PDZD2: variants seen among roughly 807,000 people sequenced by gnomAD.
PDZD2 encodes PDZ domain containing 2.
A neutral mutation model predicts 220.7 loss-of-function variants in PDZD2; 90 were observed. That is an observed-to-expected ratio of 0.41 (90% confidence interval 0.34 to 0.49). The LOEUF (loss-of-function observed/expected upper bound fraction) is 0.49, where lower values mean the gene tolerates loss of function less well. Among genes scored for constraint, PDZD2 ranks in the 20% least tolerant of loss-of-function variants. The pLI is 0.28. For missense variants in PDZD2, 3,174 were observed against 3,608.5 expected, an observed-to-expected ratio of 0.88 and a Z score of 3.08; for synonymous variants, 1,375 against 1,450.5, an observed-to-expected ratio of 0.95 and a Z score of 1.18.
intron 1 of PDZD2, among the ~76,000 whole-genome samples, chr5:31,765,113 A>C (rs1398149884): frequency 6.6e-6 from 1 of 151,886 alleles, no homozygotes; most frequent in East Asian, 1.9e-4. Flanking sequence ...AAGGAAGAGG[A>C]CAGAGACTAA....
intron 2 of PDZD2, among the ~76,000 whole-genome samples, chr5:31,909,631 C>G (rs1174986016): frequency 6.6e-6 from 1 of 152,026 alleles, no homozygotes; most frequent in East Asian, 1.9e-4. Context: ...AAAAGGATAA[C>G]AATTCAGTTT....
rs1023875055 is a variant in PDZD2 at position 32,000,667 on chromosome 5, C to T, written c.1254+396C>T. Among the ~76,000 whole-genome samples the T allele has an allele frequency of 6.6e-6, 1 of 152,168 alleles. No homozygotes were observed. The highest frequency in any genetic ancestry group is 1.5e-5 in the Non-Finnish European group (1 of 68,036). ...CTAGGATTACAGCCACATGCCATCA[C>T]ACCCGGCTAATTTTGTATTTTTTAT... On this transcript the variant is annotated intron_variant, in intron 5 of 24. Coordinates refer to ENST00000438447, the MANE Select transcript of PDZD2 (RefSeq NM_178140.4). The surrounding 1 kb of genome is among the most constrained non-coding windows in gnomAD (Gnocchi z 4.5).
intron 6 of PDZD2, among the ~76,000 whole-genome samples, chr5:32,035,387 A>G (rs931083017): frequency 1.3e-5 from 2 of 152,034 alleles, no homozygotes; most frequent in African/African-American, 4.8e-5. Flanking sequence ...TAGCCTCCCA[A>G]GTAGCTGGGA....
chr5:31,670,086 G>A (rs1253577822), intron 1 of PDZD2, among the ~76,000 whole-genome samples: 12 of 152,126 alleles, frequency 7.9e-5, no homozygotes, highest in African/African-American at 1.7e-4. Flanking sequence ...TTGCAGAGCG[G>A]GCACTCCTAA....
Position 32,010,318 on chromosome 5 carries a change from G to T in PDZD2, c.1255-12G>T, listed in dbSNP as rs370953248. On this transcript the variant is annotated splice_polypyrimidine_tract_variant and intron_variant, in intron 5 of 24. Transcript: ENST00000438447. ...GTAATTCATGGATGGGCCTTTAATTGTGTCCCCATAGGAAAACTCCGCAGA... is the reference window on the plus strand; with the variant it reads ...GTAATTCATGGATGGGCCTTTAATTTTGTCCCCATAGGAAAACTCCGCAGA... 17 of 1,588,708 alleles carry T rather than the reference G, an allele frequency of 1.1e-5. No individual in the cohort carries two copies. The African/African-American group carries it at 2.0e-4, about 19-fold the overall frequency.
rs555298696 is a variant in PDZD2, at chr5:32,105,891, T to C, written c.8354-2078T>C. On this transcript the variant is annotated intron_variant, in intron 24 of 24. Coordinates refer to ENST00000438447, the MANE Select transcript of PDZD2 (RefSeq NM_178140.4). ...AACGAGAGAATTTATTTCTCTCTTG[T>C]GTAAAAAGTCCAAAAGCTGGCAAAC... Among the ~76,000 whole-genome samples the C allele has an allele frequency of 6.6e-5, 10 of 152,358 alleles. No homozygotes were observed. The South Asian group carries it at 2.1e-3, about 32-fold the overall frequency.
At chr5:31,740,775 A>G (rs1750211890) in intron 1 of PDZD2, among the ~76,000 whole-genome samples, 1 of 152,156 alleles carries the variant, frequency 6.6e-6, no homozygotes. Context: ...TGCATGGTTC[A>G]CCACTGCAGG....
intron 2 of PDZD2, among the ~76,000 whole-genome samples, chr5:31,861,914 T>C (rs1011670447): frequency 2.4e-4 from 37 of 151,912 alleles, no homozygotes; most frequent in African/African-American, 8.7e-4. Context: ...ATGTACTCTA[T>C]TTTTATGAAT....
At chr5:32,066,587 T>A (rs1406808441) in intron 14 of PDZD2, among the ~76,000 whole-genome samples, 2 of 152,142 alleles carry the variant, frequency 1.3e-5, no homozygotes, top group Non-Finnish European at 2.9e-5. Context: ...CCACATCACC[T>A]CCTTTCACCT....
At chr5:31,971,020 G>A (rs1382886036) in intron 2 of PDZD2, among the ~76,000 whole-genome samples, 1 of 152,230 alleles carries the variant, frequency 6.6e-6, no homozygotes, top group Non-Finnish European at 1.5e-5. Context: ...GAATAGGTCA[G>A]ATAGACCCTT....
intron 2 of PDZD2, among the ~76,000 whole-genome samples, chr5:31,802,470 G>A (rs1357605264): frequency 6.6e-6 from 1 of 152,146 alleles, no homozygotes; most frequent in African/African-American, 2.4e-5. Flanking sequence ...GGATGGGTGT[G>A]ACCTCTTGGT....
rs199889389 is a variant in PDZD2, at chr5:32,048,689, G to A, written c.1665+5G>A. On this transcript the variant is annotated splice_donor_5th_base_variant and intron_variant, in intron 8 of 24. Coordinates refer to ENST00000438447, the MANE Select transcript of PDZD2 (RefSeq NM_178140.4). Reference sequence around the variant, plus strand: ...GACTCTTCCAGTGCCTCACAGGTCCGACCAGGGCTGTGGATCTTTTCAAAG... The same window carrying A: ...GACTCTTCCAGTGCCTCACAGGTCCAACCAGGGCTGTGGATCTTTTCAAAG... 1.0e-4 allele frequency: 166 copies of A among 1,613,836 alleles called. No homozygotes were observed. The East Asian group carries it at 3.2e-3, about 31-fold the overall frequency.
intron 1 of PDZD2, among the ~76,000 whole-genome samples, chr5:31,649,489 G>T (rs750275344): frequency 8.6e-5 from 13 of 151,874 alleles, no homozygotes; most frequent in Non-Finnish European, 1.6e-4. Context: ...ACTCCTGTTT[G>T]AAATAAAATA....
chr5:31,869,478 GC>G (rs567106582), intron 2 of PDZD2, among the ~76,000 whole-genome samples: 4,339 of 152,070 alleles, frequency 0.029, 116 homozygotes, highest in Non-Finnish European at 0.044. Flanking sequence ...CAGGAGAATG[GC>G]CGTGAACCTG....
At chr5:31,749,985 G>A (rs1191003290) in intron 1 of PDZD2, among the ~76,000 whole-genome samples, 9 of 152,150 alleles carry the variant, frequency 5.9e-5, no homozygotes, top group African/African-American at 9.7e-5. Context: ...CAGTGGCTCC[G>A]AAACCTGGGG....
At chr5:32,038,992 C>T (rs1397349258) in intron 7 of PDZD2, among the ~76,000 whole-genome samples, 1 of 152,206 alleles carries the variant, frequency 6.6e-6, no homozygotes. Context: ...TTCCGGCCAC[C>T]CAGATTGGTG....
rs535867716 is a variant in PDZD2, at chr5:32,002,372, T to C, written c.1254+2101T>C. Among the ~76,000 whole-genome samples, 19 of 152,110 alleles carry C rather than the reference T, an allele frequency of 1.2e-4. No homozygotes were observed. The South Asian group carries it at 3.7e-3, about 30-fold the overall frequency. On this transcript the variant is annotated intron_variant, in intron 5 of 24. Coordinates refer to ENST00000438447, the MANE Select transcript of PDZD2 (RefSeq NM_178140.4). ...TGTCTCTTGAGTCCATCGCGCTCCC[T>C]GCATGTCTTCACCCAGAGCGTCTGC... is the stretch of plus-strand genomic sequence containing the variant.
At chr5:31,918,530 T>C (rs1449991280) in intron 2 of PDZD2, among the ~76,000 whole-genome samples, 2 of 152,230 alleles carry the variant, frequency 1.3e-5, no homozygotes, top group Non-Finnish European at 2.9e-5. Context: ...AAAAGACACC[T>C]GGTGTTCTGA....
rs1372750603 is a variant in PDZD2, at chr5:32,088,592, C to T, written c.5144C>T (p.Ala1715Val). The change falls in exon 20 of 25, where the codon GCC (alanine) becomes GTC (valine). Residue 1715 changes from alanine (A) to valine (V), a missense_variant. By Grantham distance (64) the Ala-to-Val change is moderately conservative (BLOSUM62 0). This residue lies in a region of PDZD2 where 1,861 missense variants were observed against 2,001.0 expected (regional missense o/e 0.93). Transcript: ENST00000438447. The surrounding 1 kb of genome is among the most constrained non-coding windows in gnomAD (Gnocchi z 4.6). ...GAAAACAGTCCGCTGTCTAAAGTAG[C>T]CAGGCATTTTCACAGTCCGCCCATC... ...AMENSPLSKV[A>V]RHFHSPPIIL... is the part of the protein sequence containing the mutation. The T allele has an allele frequency of 6.2e-7, 1 of 1,614,150 alleles. No homozygotes were observed. The highest frequency in any genetic ancestry group is 8.5e-7 in the Non-Finnish European group (1 of 1,179,998).
Sources: allele counts gnomAD v4.1 joint callset (sites outside exome capture counted in the v4.1 genomes callset), GRCh38; gene constraint gnomAD v4.1.1; regional missense constraint gnomAD v4.1.1; non-coding constraint Gnocchi (gnomAD v3.1); transcripts MANE v1.5; gene names NCBI Gene and HGNC (gene_info 2026-07-23, HGNC 2026-07-21).